Variants in IL1RAPL1 observed in about 807,000 individuals in gnomAD.
The protein encoded by IL1RAPL1 is interleukin-1 receptor accessory protein-like 1.
In IL1RAPL1, 3 loss-of-function variants were observed where a neutral mutation model predicts 48.4. The ratio of observed to expected loss-of-function variants is 0.06; its 90% CI spans 0.03 to 0.16. IL1RAPL1 has a LOEUF of 0.16. Among genes scored for constraint, IL1RAPL1 ranks in the 10% least tolerant of loss-of-function variants. The pLI is 1.00. For synonymous variants in IL1RAPL1, 185 were observed against 187.7 expected (o/e 0.99, Z 0.12); for missense variants, 349 against 530.6 (o/e 0.66, Z 3.36).
chrX:28,722,842 T>G (rs1007376333), intron 1 of IL1RAPL1, among the ~76,000 whole-genome samples: 1 of 111,899 alleles, frequency 8.9e-6, no homozygotes, highest in African/African-American at 3.2e-5. Context: ...CTGCATCTAT[T>G]GAGAAAATCA....
intron 9 of IL1RAPL1, among the ~76,000 whole-genome samples, chrX:29,953,682 C>T (rs911323817): frequency 8.1e-5 from 9 of 111,577 alleles, no homozygotes; most frequent in African/African-American, 2.9e-4. Context: ...TATTCTCCAT[C>T]CCAATATGCA....
intron 3 of IL1RAPL1, among the ~76,000 whole-genome samples, chrX:29,309,976 C>T (rs1260945776): frequency 1.9e-5 from 2 of 106,615 alleles, no homozygotes; most frequent in Non-Finnish European, 3.9e-5. Context: ...CGCCTGTAGT[C>T]CCAGCTACTC....
chrX:28,974,273 T>C (rs1349773812), intron 2 of IL1RAPL1, among the ~76,000 whole-genome samples: 1 of 112,062 alleles, frequency 8.9e-6, no homozygotes, highest in Non-Finnish European at 1.9e-5. Context: ...ATATAGGTAT[T>C]TGGTGACAAT....
intron 5 of IL1RAPL1, among the ~76,000 whole-genome samples, chrX:29,542,487 G>T (rs1439657146): frequency 8.9e-6 from 1 of 112,186 alleles, no homozygotes; most frequent in African/African-American, 3.2e-5. Flanking sequence ...CAATGGGCTT[G>T]TGGAATAATT....
intron 2 of IL1RAPL1, among the ~76,000 whole-genome samples, chrX:28,922,447 A>G (rs943419985): frequency 8.9e-6 from 1 of 112,112 alleles, no homozygotes; most frequent in African/African-American, 3.2e-5. Context: ...AGTAAAAGCA[A>G]GGACTCACAT....
intron 2 of IL1RAPL1, among the ~76,000 whole-genome samples, chrX:28,960,697 G>T (rs1438341917): frequency 1.8e-5 from 2 of 111,425 alleles, no homozygotes; most frequent in African/African-American, 6.5e-5. Context: ...TGTTATTGCA[G>T]TTGTTTCTGT....
intron 6 of IL1RAPL1, among the ~76,000 whole-genome samples, chrX:29,731,086 C>A (rs57134659): frequency 0.013 from 1,491 of 112,181 alleles, 18 homozygotes; most frequent in African/African-American, 0.043. Context: ...CTTGATCTTT[C>A]TCACTTGCTA....
intron 6 of IL1RAPL1, among the ~76,000 whole-genome samples, chrX:29,687,434 G>A (rs981681725): frequency 2.7e-5 from 3 of 111,638 alleles, no homozygotes; most frequent in East Asian, 5.6e-4. Flanking sequence ...TCACTCACAC[G>A]TGAAATCTAA....
chrX:28,886,521 T>TA (rs63309363), intron 2 of IL1RAPL1, among the ~76,000 whole-genome samples: 43,198 of 103,971 alleles, frequency 0.42, 6,849 homozygotes, highest in Middle Eastern at 0.58. Flanking sequence ...ATTGTTGTTT[T>TA]AAAAAAAAAA....
chrX:28,829,734 A>G (rs1391342939), intron 2 of IL1RAPL1, among the ~76,000 whole-genome samples: 2 of 108,873 alleles, frequency 1.8e-5, no homozygotes, highest in African/African-American at 6.7e-5. Flanking sequence ...TAATTTTTGT[A>G]TTTTTAGTAG....
chrX:29,595,604 A>T, intron 5 of IL1RAPL1, among the ~76,000 whole-genome samples: 2 of 110,915 alleles, frequency 1.8e-5, no homozygotes, highest in Middle Eastern at 4.7e-3. Flanking sequence ...TTTTCTTGCT[A>T]ATTTGTTTGA....
intron 6 of IL1RAPL1, among the ~76,000 whole-genome samples, chrX:29,689,335 A>T (rs755934766): frequency 8.9e-6 from 1 of 111,879 alleles, no homozygotes; most frequent in Non-Finnish European, 1.9e-5. Flanking sequence ...TAAAAAGCTT[A>T]TTTCACGTTG....
intron 2 of IL1RAPL1, among the ~76,000 whole-genome samples, chrX:29,252,210 A>G (rs1449474891): frequency 1.8e-5 from 2 of 112,465 alleles, no homozygotes; most frequent in African/African-American, 3.3e-5. Context: ...GCACATGTAT[A>G]CATATGTAAC....
intron 1 of IL1RAPL1, among the ~76,000 whole-genome samples, chrX:28,726,402 G>T (rs1342024977): frequency 8.9e-6 from 1 of 112,296 alleles, no homozygotes; most frequent in African/African-American, 3.2e-5. Flanking sequence ...CAGCTCATTT[G>T]CTTTGGATGG....
At chrX:28,897,691 G>A (rs1175984059) in intron 2 of IL1RAPL1, among the ~76,000 whole-genome samples, 3 of 111,982 alleles carry the variant, frequency 2.7e-5, no homozygotes, top group Non-Finnish European at 3.8e-5. Flanking sequence ...CCCCCTCCCC[G>A]ATCTGAGTCA....
At chrX:29,368,713 G>A (rs1031478326) in intron 3 of IL1RAPL1, among the ~76,000 whole-genome samples, 4 of 107,185 alleles carry the variant, frequency 3.7e-5, no homozygotes, top group Non-Finnish European at 7.7e-5. Context: ...ACATGTGTGA[G>A]CCAACATGCC....
chrX:28,861,932 A>C (rs1921955074), intron 2 of IL1RAPL1, among the ~76,000 whole-genome samples: 1 of 111,695 alleles, frequency 9.0e-6, no homozygotes, highest in Non-Finnish European at 1.9e-5. Context: ...TTCTAAATGC[A>C]AGTTGCTAGA....
intron 1 of IL1RAPL1, among the ~76,000 whole-genome samples, chrX:28,637,111 A>G (rs1054639789): frequency 2.7e-5 from 3 of 111,319 alleles, no homozygotes; most frequent in African/African-American, 9.8e-5. Flanking sequence ...TAAGATATGA[A>G]TATTTAAGGT....
At chrX:29,124,444 A>G (rs910775422) in intron 2 of IL1RAPL1, among the ~76,000 whole-genome samples, 2 of 112,322 alleles carry the variant, frequency 1.8e-5, no homozygotes, top group African/African-American at 6.5e-5. Flanking sequence ...CAAAGAGTTA[A>G]CTATCAACTT....
Sources: allele counts gnomAD v4.1 joint callset (sites outside exome capture counted in the v4.1 genomes callset), GRCh38; gene constraint gnomAD v4.1.1; transcripts MANE v1.5; gene names NCBI Gene and HGNC (gene_info 2026-07-23, HGNC 2026-07-21).